Variants in GTF2F2 observed in about 807,000 individuals in gnomAD.
GTF2F2 encodes the protein ATP-dependent helicase GTF2F2.
In GTF2F2, 23 loss-of-function variants were observed where a neutral mutation model predicts 42.2. The ratio of observed to expected loss-of-function variants is 0.55; its 90% CI spans 0.39 to 0.77. The LOEUF (loss-of-function observed/expected upper bound fraction) is 0.77, where lower values mean the gene tolerates loss of function less well. GTF2F2 is among the 30% of genes least tolerant of loss of function. The probability of loss-of-function intolerance (pLI) is 0.00; values close to 1 mark genes in which losing one functional copy is unlikely to be tolerated. For synonymous variants in GTF2F2, 105 were observed against 100.8 expected (o/e 1.04, Z -0.25); for missense variants, 261 against 287.2 (o/e 0.91, Z 0.66).
chr13:45,276,836 A>G (rs1013463348), intron 7 of GTF2F2, among the ~76,000 whole-genome samples: 4 of 152,262 alleles, frequency 2.6e-5, no homozygotes, highest in Non-Finnish European at 5.9e-5. Context: ...CATGTGAAGC[A>G]TTTGTCAGTG....
chr13:45,132,180 A>G (rs922529145), intron 1 of GTF2F2, among the ~76,000 whole-genome samples: 2 of 152,220 alleles, frequency 1.3e-5, no homozygotes, highest in African/African-American at 4.8e-5. Flanking sequence ...TAGTAGTTTA[A>G]AACAACATGC....
intron 4 of GTF2F2, among the ~76,000 whole-genome samples, chr13:45,198,939 T>C (rs532244319): frequency 6.6e-6 from 1 of 152,336 alleles, no homozygotes; most frequent in African/African-American, 2.4e-5. Context: ...GATTTTCCCA[T>C]GTTAATGTAA....
Position 45,283,623 on chromosome 13 carries a change from A to G in GTF2F2, c.*62A>G. 6.8e-7 allele frequency: 1 copy of G among 1,464,408 alleles called. No individual in the cohort carries two copies. Among genetic ancestry groups the G allele is most frequent in the Non-Finnish European group, 9.1e-7 (1 of 1,094,394 alleles). The allele number at this position is 1,464,408 out of a possible 1,614,324, so 90.7% of individuals were successfully genotyped here. ...CAGCGATGCTATGCAAAAGGCGCTG[A>G]TACTGGAAGGCTTGAACACCGTATG... is the stretch of plus-strand genomic sequence containing the variant. On this transcript the variant is annotated 3_prime_UTR_variant, in exon 8 of 8. Transcript: ENST00000340473.
intron 4 of GTF2F2, among the ~76,000 whole-genome samples, chr13:45,164,025 G>A (rs910354021): frequency 5.9e-5 from 9 of 151,956 alleles, no homozygotes; most frequent in African/African-American, 1.2e-4. Flanking sequence ...GTGGTGGTGC[G>A]CATCTATAAT....
intron 4 of GTF2F2, among the ~76,000 whole-genome samples, chr13:45,162,699 A>T (rs1871096324): frequency 1.3e-5 from 2 of 152,164 alleles, no homozygotes; most frequent in Admixed American, 1.3e-4. Flanking sequence ...TGAGGTTGGG[A>T]TGAGGAGGAT....
At chr13:45,164,390 T>A (rs187492341) in intron 4 of GTF2F2, among the ~76,000 whole-genome samples, 14 of 152,288 alleles carry the variant, frequency 9.2e-5, no homozygotes, top group African/African-American at 2.2e-4. Context: ...CCTATTTTTT[T>A]AAAAAGCAAT....
At chr13:45,219,265 G>C (rs1488724432) in intron 5 of GTF2F2, 4 of 152,092 alleles carry the variant, frequency 2.6e-5, no homozygotes, top group Non-Finnish European at 5.9e-5. Context: ...GGCAAAGCTG[G>C]AATTTGAACC....
intron 4 of GTF2F2, among the ~76,000 whole-genome samples, chr13:45,181,997 C>T (rs1461555631): frequency 6.6e-6 from 1 of 152,070 alleles, no homozygotes; most frequent in East Asian, 1.9e-4. Context: ...AAATGGCCGC[C>T]CTGCTGGCTG....
chr13:45,177,754 A>T (rs1871954366), intron 4 of GTF2F2, among the ~76,000 whole-genome samples: 2 of 152,136 alleles, frequency 1.3e-5, no homozygotes, highest in Admixed American at 6.5e-5. Context: ...ATATATGTTG[A>T]GGTTGCTAAG....
intron 6 of GTF2F2, among the ~76,000 whole-genome samples, chr13:45,256,252 A>G (rs911025628): frequency 6.6e-6 from 1 of 152,066 alleles, no homozygotes; most frequent in African/African-American, 2.4e-5. Flanking sequence ...AAGGAAAGAA[A>G]GCCAGGGAAG....
intron 6 of GTF2F2, among the ~76,000 whole-genome samples, chr13:45,255,583 ATAGAT>A (rs1472857051): frequency 3.3e-5 from 5 of 152,228 alleles, no homozygotes; most frequent in Admixed American, 1.3e-4. Flanking sequence ...ACTTAGATAA[ATAGAT>A]TAAAGTCCAC....
intron 5 of GTF2F2, among the ~76,000 whole-genome samples, chr13:45,226,608 T>A (rs1325023883): frequency 6.6e-6 from 1 of 152,210 alleles, no homozygotes; most frequent in South Asian, 2.1e-4. Flanking sequence ...TAATTCTTCT[T>A]ACCTGTTTGG....
chr13:45,273,930 G>A (rs992423645), intron 7 of GTF2F2, among the ~76,000 whole-genome samples: 1 of 152,072 alleles, frequency 6.6e-6, no homozygotes, highest in Non-Finnish European at 1.5e-5. Context: ...AATTTCCCTC[G>A]GGAAAGAAAT....
intron 1 of GTF2F2, among the ~76,000 whole-genome samples, chr13:45,129,693 T>C (rs927099533): frequency 6.6e-6 from 1 of 152,378 alleles, no homozygotes; most frequent in East Asian, 1.9e-4. Flanking sequence ...GCTAGAGATA[T>C]GACAGTAAAC....
intron 5 of GTF2F2, among the ~76,000 whole-genome samples, chr13:45,229,394 GC>G (rs1278134814): frequency 6.6e-6 from 1 of 152,026 alleles, no homozygotes; most frequent in Non-Finnish European, 1.5e-5. Context: ...CCAGGCAGCT[GC>G]CCCCTCTTCC....
At chr13:45,272,495 C>A (rs1876841653) in intron 7 of GTF2F2, among the ~76,000 whole-genome samples, 1 of 147,864 alleles carries the variant, frequency 6.8e-6, no homozygotes, top group Admixed American at 6.7e-5. Flanking sequence ...GTAATCCCAG[C>A]ACTTTGAGAG....
At chr13:45,131,210 G>GAA (rs770146191) in intron 1 of GTF2F2, among the ~76,000 whole-genome samples, 1 of 133,596 alleles carries the variant, frequency 7.5e-6, no homozygotes, top group South Asian at 2.3e-4. Context: ...CTCAGTCTCA[G>GAA]AAAAAAAAAA....
At chr13:45,246,070 C>T (rs192335767) in intron 5 of GTF2F2, among the ~76,000 whole-genome samples, 3 of 150,634 alleles carry the variant, frequency 2.0e-5, no homozygotes, top group East Asian at 4.0e-4. Flanking sequence ...ATGCAGTGGC[C>T]GGATCTCAGC....
In GTF2F2 at chr13:45,120,725, A is replaced by G; in HGVS notation, c.66+4A>G. On this transcript the variant is annotated splice_donor_region_variant and intron_variant, in intron 1 of 7. Transcript: ENST00000340473. Reference sequence around the variant, plus strand: ...CACAGGAGTGTGGCTAGTCAAGGTAATGTTCGCGAGTCTCCCACTTGCGCT... The same window carrying G: ...CACAGGAGTGTGGCTAGTCAAGGTAGTGTTCGCGAGTCTCCCACTTGCGCT... 6.4e-7 allele frequency: 1 copy of G among 1,551,924 alleles called. No homozygotes were observed. Among genetic ancestry groups the G allele is most frequent in the South Asian group, 1.2e-5 (1 of 84,234 alleles).
Sources: allele counts gnomAD v4.1 joint callset (sites outside exome capture counted in the v4.1 genomes callset), GRCh38; gene constraint gnomAD v4.1.1; transcripts MANE v1.5; gene names NCBI Gene and HGNC (gene_info 2026-07-23, HGNC 2026-07-21).